The following TENM2 variants were observed in gnomAD, a reference collection of about 807,000 sequenced individuals.
TENM2 encodes teneurin transmembrane protein 2.
A neutral mutation model predicts 245.2 loss-of-function variants in TENM2; 52 were observed. The observed-to-expected ratio is 0.21, with a 90% CI of 0.17 to 0.27. The LOEUF (loss-of-function observed/expected upper bound fraction) is 0.27, where lower values mean the gene tolerates loss of function less well. Among genes scored for constraint, TENM2 ranks in the 10% least tolerant of loss-of-function variants. The pLI is 1.00. For missense variants in TENM2, 3,046 were observed against 3,666.8 expected, an observed-to-expected ratio of 0.83 and a Z score of 4.37; for synonymous variants, 1,363 against 1,438.9, an observed-to-expected ratio of 0.95 and a Z score of 1.19.
chr5:167,482,465 GCTGA>G (rs1183328685), intron 2 of TENM2, among the ~76,000 whole-genome samples: 2 of 152,008 alleles, frequency 1.3e-5, no homozygotes, highest in African/African-American at 2.4e-5. Flanking sequence ...AAAAAATTAT[GCTGA>G]CTAATTTATT....
chr5:168,062,795 C>T (rs150921142), intron 7 of TENM2, among the ~76,000 whole-genome samples: 1 of 152,214 alleles, frequency 6.6e-6, no homozygotes, highest in Non-Finnish European at 1.5e-5. Flanking sequence ...TGCATGATTC[C>T]GTTTATGTGT....
chr5:168,088,715 A>G (rs890746918), intron 7 of TENM2, among the ~76,000 whole-genome samples: 3 of 152,224 alleles, frequency 2.0e-5, no homozygotes, highest in African/African-American at 7.2e-5. Context: ...AGATTTGCCC[A>G]ACATCAAAGA....
chr5:167,600,099 A>C (rs954599232), intron 2 of TENM2, among the ~76,000 whole-genome samples: 1 of 21,646 alleles, frequency 4.6e-5, no homozygotes, highest in African/African-American at 1.3e-4. Flanking sequence ...CATTTATAGG[A>C]TACGTGGAAC....
chr5:167,727,196 A>G lies in TENM2; in HGVS notation c.503-148790A>G, dbSNP rs1760081141. On this transcript the variant is annotated intron_variant, in intron 2 of 28. Transcript: ENST00000518659. ...GTGATCTTGGCTCACTGCAAGCTCC[A>G]TCTCCCGGGTTCATGCCATTCTCCT... Among the ~76,000 whole-genome samples the G allele has an allele frequency of 2.2e-5, 3 of 136,016 alleles. No individual in the cohort carries two copies. The South Asian group carries it at 6.7e-4, about 30-fold the overall frequency. The allele number at this position is 136,016 out of a possible 152,430, so 89.2% of individuals were successfully genotyped here.
At chr5:167,847,284 T>C (rs1770135984) in intron 2 of TENM2, among the ~76,000 whole-genome samples, 1 of 152,218 alleles carries the variant, frequency 6.6e-6, no homozygotes, top group South Asian at 2.1e-4. Flanking sequence ...TAAATGTCTT[T>C]TCTAACATCC....
chr5:167,085,958 C>G, the TENM2 span, among the ~76,000 whole-genome samples: 1 of 152,164 alleles, frequency 6.6e-6, no homozygotes, highest in African/African-American at 2.4e-5. Context: ...AATATGCTAC[C>G]AAGGATACAA....
the TENM2 span, among the ~76,000 whole-genome samples, chr5:167,067,326 C>T: frequency 6.6e-6 from 1 of 151,824 alleles, no homozygotes; most frequent in African/African-American, 2.4e-5. Flanking sequence ...TTTTTGAAGC[C>T]TTTGAACATA....
At chr5:168,238,719 C>T (rs1474047864) in intron 25 of TENM2, among the ~76,000 whole-genome samples, 2 of 152,114 alleles carry the variant, frequency 1.3e-5, no homozygotes, top group African/African-American at 4.8e-5. Context: ...TTGTGACAGG[C>T]GTATGCTTGG....
intron 2 of TENM2, among the ~76,000 whole-genome samples, chr5:167,818,727 T>C (rs1371634638): frequency 1.3e-5 from 2 of 152,170 alleles, no homozygotes; most frequent in Non-Finnish European, 2.9e-5. Flanking sequence ...TGGAAAAAGA[T>C]ATAATTTTCT....
At chr5:167,301,252 G>A (rs1441583552) in intron 1 of TENM2, among the ~76,000 whole-genome samples, 2 of 152,200 alleles carry the variant, frequency 1.3e-5, no homozygotes, top group African/African-American at 4.8e-5. Flanking sequence ...TGAACAGTCC[G>A]ATTTTTCAGT....
rs143221452 is a variant in TENM2, at chr5:167,502,687, T to C, written c.502+127214T>C. ...AGAATATCAGGTTAGAAAGACATAC[T>C]GGTTAAATGGTTGATTTTAGTCAAA... On this transcript the variant is annotated intron_variant, in intron 2 of 28. Coordinates refer to ENST00000518659, the Ensembl canonical transcript of TENM2. Among the ~76,000 whole-genome samples, 231 of 152,326 alleles carry C rather than the reference T, an allele frequency of 1.5e-3. 2 individuals carry two copies. Among genetic ancestry groups the C allele is most frequent in the African/African-American group, 5.2e-3 (217 of 41,596 alleles).
chr5:167,487,101 G>A (rs1768122114), intron 2 of TENM2, among the ~76,000 whole-genome samples: 1 of 152,164 alleles, frequency 6.6e-6, no homozygotes, highest in Admixed American at 6.5e-5. Context: ...TTACATAATG[G>A]TGCGGTATAG....
intron 2 of TENM2, among the ~76,000 whole-genome samples, chr5:167,553,971 G>A (rs1257508387): frequency 6.6e-6 from 1 of 152,196 alleles, no homozygotes; most frequent in Admixed American, 6.5e-5. Context: ...CAGCATGGAA[G>A]GGTCCTCTTC....
the TENM2 span, among the ~76,000 whole-genome samples, chr5:167,247,100 G>A: frequency 1.3e-5 from 2 of 152,106 alleles, no homozygotes; most frequent in Non-Finnish European, 2.9e-5. Flanking sequence ...ATATTAGGCT[G>A]CATGCTAGAC....
At chr5:168,260,535 C>T in intron 28 of TENM2, 122 bp downstream of exon 30, 1 of 1,157,202 alleles carries the variant, frequency 8.6e-7, no homozygotes, top group Non-Finnish European at 1.2e-6. Context: ...ATAAAAGGTG[C>T]AGGACACATT....
chr5:167,910,287 A>G (rs562322900), intron 3 of TENM2, among the ~76,000 whole-genome samples: 2 of 152,196 alleles, frequency 1.3e-5, no homozygotes, highest in African/African-American at 4.8e-5. Flanking sequence ...AGCTACTACT[A>G]ATCAATCAGA....
chr5:168,256,893 A>T (rs144482222), intron 27 of TENM2, among the ~76,000 whole-genome samples: 43 of 152,274 alleles, frequency 2.8e-4, no homozygotes, highest in African/African-American at 9.9e-4. Context: ...TAAATACCTC[A>T]CAGTAGTCCC....
chr5:167,813,236 T>C (rs1037639817), intron 2 of TENM2, among the ~76,000 whole-genome samples: 1 of 152,066 alleles, frequency 6.6e-6, no homozygotes, highest in Non-Finnish European at 1.5e-5. Context: ...TGTAAGATTG[T>C]ATGAGTCTCC....
At chr5:167,334,263 G>A (rs1174985809) in intron 1 of TENM2, among the ~76,000 whole-genome samples, 6 of 152,102 alleles carry the variant, frequency 3.9e-5, no homozygotes, top group African/African-American at 7.2e-5. Flanking sequence ...TCTGCAACTG[G>A]CCCCATAATC....
Sources: gnomAD v4.1 joint callset for allele counts (sites outside exome capture counted in the v4.1 genomes callset) on GRCh38, gnomAD v4.1.1 for gene constraint, MANE v1.5 for transcripts, NCBI Gene and HGNC (gene_info 2026-07-23, HGNC 2026-07-21) for gene names.